LRCH1: variants seen among roughly 807,000 people sequenced by gnomAD.
LRCH1 encodes leucine rich repeats and calponin homology domain containing 1.
Under a neutral mutation model 94.9 loss-of-function variants are expected in LRCH1, and 23 were observed. The observed-to-expected ratio is 0.24, with a 90% CI of 0.17 to 0.34. The LOEUF is 0.34. Among genes scored for constraint, LRCH1 ranks in the 10% least tolerant of loss-of-function variants. LRCH1 has a pLI of 1.00. For synonymous variants in LRCH1, 364 were observed against 354.9 expected (o/e 1.03, Z -0.29); for missense variants, 790 against 945.9 (o/e 0.84, Z 2.16).
intron 1 of LRCH1, among the ~76,000 whole-genome samples, chr13:46,569,241 A>G (rs1294925083): frequency 3.9e-5 from 6 of 152,240 alleles, no homozygotes; most frequent in African/African-American, 1.4e-4. Context: ...CCAATGTTGA[A>G]AGCATTTGTT....
chr13:46,630,059 C>CT (rs1251623456), intron 1 of LRCH1, among the ~76,000 whole-genome samples: 2 of 152,220 alleles, frequency 1.3e-5, no homozygotes, highest in African/African-American at 4.8e-5. Context: ...GCTTGTGAGT[C>CT]TAACAATTTT....
At chr13:46,728,813 A>G (rs1433974882) in intron 17 of LRCH1, 34 bp from the exon 18 acceptor site, 1 of 1,569,620 alleles carries the variant, frequency 6.4e-7, no homozygotes, top group South Asian at 1.2e-5. Flanking sequence ...CTCAGTGTTC[A>G]TATTAACTGG....
intron 1 of LRCH1, among the ~76,000 whole-genome samples, chr13:46,571,369 C>T (rs1054336053): frequency 3.9e-5 from 6 of 152,284 alleles, no homozygotes; most frequent in South Asian, 4.1e-4. Flanking sequence ...CAGTGGTATT[C>T]GCAGTGATGC....
rs562304874 is a variant in LRCH1, at chr13:46,588,510, G to T, written c.307+34807G>T. Among the ~76,000 whole-genome samples the T allele has an allele frequency of 1.3e-4, 20 of 151,298 alleles. 1 individual carries two copies. The highest frequency in any genetic ancestry group is 2.1e-4 in the Non-Finnish European group (14 of 67,828). On this transcript the variant is annotated intron_variant, in intron 1 of 19. Coordinates refer to ENST00000389797, the MANE Select transcript of LRCH1 (RefSeq NM_001164211.2). ...AAATGTTAAATGTGGAAAAATTGAA[G>T]AATTTATGTAGCATAGCACATCTGT...
intron 2 of LRCH1, among the ~76,000 whole-genome samples, chr13:46,657,402 A>G (rs1458739128): frequency 1.3e-5 from 1 of 74,730 alleles, no homozygotes; most frequent in Non-Finnish European, 3.0e-5. Flanking sequence ...TTTTTTTTTT[A>G]AAACATACAT....
intron 9 of LRCH1, among the ~76,000 whole-genome samples, 163 bp from the exon 10 acceptor site, chr13:46,699,173 A>G (rs1006994727): frequency 6.6e-6 from 1 of 152,266 alleles, no homozygotes; most frequent in Non-Finnish European, 1.5e-5. Context: ...GTGCATGTAC[A>G]TACCAGATTT....
chr13:46,625,876 C>G (rs2050942825), intron 1 of LRCH1, among the ~76,000 whole-genome samples: 1 of 152,052 alleles, frequency 6.6e-6, no homozygotes, highest in Non-Finnish European at 1.5e-5. Context: ...TAGTCTCAAA[C>G]TCCTGGAATC....
At chr13:46,580,465 GT>G (rs2050352605) in intron 1 of LRCH1, among the ~76,000 whole-genome samples, 1 of 152,164 alleles carries the variant, frequency 6.6e-6, no homozygotes, top group Admixed American at 6.5e-5. Flanking sequence ...CCTAACCCAT[GT>G]TTTCTTGTAA....
chr13:46,661,565 T>A (rs2051448977), intron 2 of LRCH1, among the ~76,000 whole-genome samples: 1 of 152,194 alleles, frequency 6.6e-6, no homozygotes, highest in South Asian at 2.1e-4. Flanking sequence ...TTGGCAAAAC[T>A]TTACTCTGTG....
rs565925799 is a variant in LRCH1, at chr13:46,669,096, T to C, written c.519T>C (p.Ser173=). The change falls in exon 3 of 20, where the codon AGT becomes AGC. Residue 173 remains serine, a synonymous_variant. Transcript: ENST00000389797. ...TGCCTCTCAAAGTCTTAATCGCAAGTAACAACAAACTTGGATCATTACCAG... is the reference window on the plus strand; with the variant it reads ...TGCCTCTCAAAGTCTTAATCGCAAGCAACAACAAACTTGGATCATTACCAG... ...CGLPLKVLIA[S]NNKLGSLPEE... is the part of the protein sequence containing the mutation. The C allele has an allele frequency of 6.2e-7, 1 of 1,614,088 alleles. No homozygotes were observed. Among genetic ancestry groups the C allele is most frequent in the African/African-American group, 1.3e-5 (1 of 74,942 alleles).
At chr13:46,602,002 G>A (rs1487080847) in intron 1 of LRCH1, among the ~76,000 whole-genome samples, 1 of 152,186 alleles carries the variant, frequency 6.6e-6, no homozygotes, top group Non-Finnish European at 1.5e-5. Flanking sequence ...CTACTGACTT[G>A]CAACGTTGTC....
At chr13:46,692,469 A>G (rs1390734471) in intron 7 of LRCH1, 67 bp from the exon 8 acceptor site, 6 of 1,103,884 alleles carry the variant, frequency 5.4e-6, no homozygotes, top group South Asian at 2.6e-5. Flanking sequence ...GTTTTATTAC[A>G]TAGCATTCTC....
At chr13:46,705,016 T>A in intron 11 of LRCH1, 52 bp from the exon 12 acceptor site, 1 of 982,612 alleles carries the variant, frequency 1.0e-6, no homozygotes, top group Non-Finnish European at 1.5e-6. Flanking sequence ...TAGAATTTAT[T>A]AAAAATAAAA....
intron 1 of LRCH1, among the ~76,000 whole-genome samples, chr13:46,554,431 G>A (rs1200018340): frequency 2.6e-5 from 4 of 152,098 alleles, no homozygotes; most frequent in Non-Finnish European, 4.4e-5. Flanking sequence ...CACACAGTTT[G>A]GGTCCTACCA....
chr13:46,585,552 C>G (rs1203827457), intron 1 of LRCH1, among the ~76,000 whole-genome samples: 1 of 82,116 alleles, frequency 1.2e-5, no homozygotes, highest in Non-Finnish European at 2.7e-5. Flanking sequence ...GACTGCATCT[C>G]AAAAAAAAAA....
At chr13:46,583,933 T>C (rs182484288) in intron 1 of LRCH1, among the ~76,000 whole-genome samples, 2 of 152,124 alleles carry the variant, frequency 1.3e-5, no homozygotes, top group African/African-American at 4.8e-5. Context: ...GCCAAGGAAT[T>C]TTGCTTTCTT....
intron 1 of LRCH1, among the ~76,000 whole-genome samples, chr13:46,629,827 G>T (rs968750714): frequency 6.6e-6 from 1 of 152,226 alleles, no homozygotes; most frequent in Non-Finnish European, 1.5e-5. Flanking sequence ...AGGGCTAAAT[G>T]AGTAACAGCC....
chr13:46,587,238 CTT>C (rs1414219159), intron 1 of LRCH1, among the ~76,000 whole-genome samples: 1 of 152,206 alleles, frequency 6.6e-6, no homozygotes, highest in African/African-American at 2.4e-5. Flanking sequence ...TAGGTGCCCT[CTT>C]TGTCTTTGAC....
intron 1 of LRCH1, among the ~76,000 whole-genome samples, chr13:46,621,559 A>T (rs753036576): frequency 1.3e-5 from 2 of 152,214 alleles, no homozygotes; most frequent in Non-Finnish European, 2.9e-5. Flanking sequence ...GGGGTAAGGC[A>T]TTAGTTGGAA....
Sources: allele counts gnomAD v4.1 joint callset (sites outside exome capture counted in the v4.1 genomes callset), GRCh38; gene constraint gnomAD v4.1.1; transcripts MANE v1.5; gene names NCBI Gene and HGNC (gene_info 2026-07-23, HGNC 2026-07-21).